The following NALF1 variants were observed in gnomAD, a reference collection of about 807,000 sequenced individuals.
NALF1 encodes the protein family with sequence similarity 155 member A.
Under a neutral mutation model 48.4 loss-of-function variants are expected in NALF1, and 3 were observed. That is an observed-to-expected ratio of 0.06 (90% CI 0.03 to 0.16). NALF1 has a LOEUF of 0.16. NALF1 is among the 10% of genes least tolerant of loss of function. The pLI, the probability that NALF1 is intolerant of heterozygous loss-of-function variation, is 1.00. For synonymous variants in NALF1, 262 were observed against 245.7 expected, an observed-to-expected ratio of 1.07 and a Z score of -0.62; for missense variants, 526 against 571.5, an observed-to-expected ratio of 0.92 and a Z score of 0.81.
At chr13:107,790,019 T>G (rs570902827) in intron 1 of NALF1, among the ~76,000 whole-genome samples, 1 of 152,326 alleles carries the variant, frequency 6.6e-6, no homozygotes, top group African/African-American at 2.4e-5. Context: ...ATAGTGCAGG[T>G]TTACAGTGCT....
chr13:107,617,368 C>G (rs1454305023), intron 1 of NALF1, among the ~76,000 whole-genome samples: 1 of 152,120 alleles, frequency 6.6e-6, no homozygotes, highest in Non-Finnish European at 1.5e-5. Flanking sequence ...TCATTCGTAA[C>G]AGTCAATCTA....
chr13:107,358,622 C>G (rs1021512692), intron 1 of NALF1, among the ~76,000 whole-genome samples: 2 of 152,034 alleles, frequency 1.3e-5, no homozygotes, highest in African/African-American at 4.8e-5. Flanking sequence ...TTCAATAAAA[C>G]ACAGTGTTGG....
At chr13:107,475,725 C>T (rs928178960) in intron 1 of NALF1, among the ~76,000 whole-genome samples, 6 of 152,172 alleles carry the variant, frequency 3.9e-5, no homozygotes, top group Non-Finnish European at 8.8e-5. Context: ...AAGAAATTCT[C>T]AGGGAATTCT....
intron 1 of NALF1, among the ~76,000 whole-genome samples, chr13:107,587,634 A>G (rs2138415161): frequency 6.6e-6 from 1 of 152,276 alleles, no homozygotes; most frequent in African/African-American, 2.4e-5. Flanking sequence ...ATGAGGAAAA[A>G]GGGATTACCA....
chr13:107,177,681 T>C (rs1208179991), intron 2 of NALF1, among the ~76,000 whole-genome samples: 1 of 152,182 alleles, frequency 6.6e-6, no homozygotes, highest in East Asian at 1.9e-4. Context: ...CCAGGAAAAC[T>C]AGATATCCAT....
chr13:107,779,952 A>T (rs931402288), intron 1 of NALF1, among the ~76,000 whole-genome samples: 1 of 151,724 alleles, frequency 6.6e-6, no homozygotes, highest in Non-Finnish European at 1.5e-5. Flanking sequence ...ACAAAATTGC[A>T]TTTTTAAAAG....
chr13:107,508,468 TA>T (rs967482164), intron 1 of NALF1, among the ~76,000 whole-genome samples: 2 of 151,964 alleles, frequency 1.3e-5, no homozygotes, highest in Non-Finnish European at 2.9e-5. Flanking sequence ...AGTTTAATAA[TA>T]AAAAACAAGC....
chr13:107,693,335 G>C lies in NALF1; in HGVS notation c.915+172347C>G, dbSNP rs796892928. Among the ~76,000 whole-genome samples, 3 of 58,232 alleles carry C rather than the reference G, an allele frequency of 5.2e-5. No homozygotes were observed. The South Asian group carries it at 1.8e-3, about 35-fold the overall frequency. 38.2% of individuals were successfully genotyped at this position (58,232 alleles called of 152,430 possible). ...TCAGGGCCTGTCGTAGGGTAGGGGG[G>C]GCGGGAGGGATAGCATTAGGAGATA... On this transcript the variant is annotated intron_variant, in intron 1 of 2. Transcript: ENST00000375915.
chr13:107,219,204 G>C (rs1051989716), intron 1 of NALF1, among the ~76,000 whole-genome samples: 1 of 152,056 alleles, frequency 6.6e-6, no homozygotes, highest in African/African-American at 2.4e-5. Context: ...GAATGGGCCC[G>C]TAGTAAATGA....
chr13:107,274,036 AT>A (rs58258933), intron 1 of NALF1, among the ~76,000 whole-genome samples: 112,319 of 151,212 alleles, frequency 0.74, 42,549 homozygotes, highest in South Asian at 0.88. Context: ...ATCTGTTTTG[AT>A]TTTTTTTTTC....
At chr13:107,325,841 AACACACACAC>A (rs149568387) in intron 1 of NALF1, among the ~76,000 whole-genome samples, 1,113 of 77,338 alleles carry the variant, frequency 0.014, 60 homozygotes, top group East Asian at 0.053. Flanking sequence ...ACTGTGTCTC[AACACACACAC>A]ACACATATAT....
intron 2 of NALF1, among the ~76,000 whole-genome samples, chr13:107,188,025 C>T (rs867211871): frequency 1.7e-4 from 26 of 151,890 alleles, no homozygotes; most frequent in Middle Eastern, 3.4e-3. Context: ...TACAGAGAGA[C>T]GGGAGGTAAA....
At chr13:107,320,386 T>C (rs2138913124) in intron 1 of NALF1, among the ~76,000 whole-genome samples, 1 of 152,286 alleles carries the variant, frequency 6.6e-6, no homozygotes, top group East Asian at 1.9e-4. Flanking sequence ...TCATCTTCTT[T>C]TGACCTATTC....
intron 2 of NALF1, among the ~76,000 whole-genome samples, chr13:107,177,750 T>A (rs575707697): frequency 6.6e-6 from 1 of 152,252 alleles, no homozygotes; most frequent in South Asian, 2.1e-4. Context: ...CAAATCAAAG[T>A]GTTTTAAAGA....
intron 1 of NALF1, among the ~76,000 whole-genome samples, chr13:107,553,237 C>T (rs905243869): frequency 3.3e-5 from 5 of 152,126 alleles, no homozygotes; most frequent in Admixed American, 3.3e-4. Context: ...TGGTTTATAA[C>T]ACGTAACAAA....
In NALF1 at chr13:107,866,977, G is replaced by A. The variant is rs1880757342; in HGVS notation, c.-381C>T. Reference sequence around the variant, plus strand: ...GAGGCTGGGTGCAGGGGGCGATGGTGGAGGTGACAGGGTGGCTGGCGCGGC... The same window carrying A: ...GAGGCTGGGTGCAGGGGGCGATGGTAGAGGTGACAGGGTGGCTGGCGCGGC... On this transcript the variant is annotated 5_prime_UTR_variant, in exon 1 of 3. Coordinates refer to ENST00000375915, the MANE Select transcript of NALF1 (RefSeq NM_001080396.3). This position sits in a 1 kb window ranked among gnomAD's most constrained non-coding sequence, Gnocchi z 4.4. 6.6e-6 allele frequency among the ~76,000 whole-genome samples: 1 copy of A among 151,932 alleles called. No individual in the cohort carries two copies. The highest frequency in any genetic ancestry group is 2.4e-5 in the African/African-American group (1 of 41,382).
At chr13:107,177,785 C>A (rs944895364) in intron 2 of NALF1, among the ~76,000 whole-genome samples, 1 of 152,184 alleles carries the variant, frequency 6.6e-6, no homozygotes, top group African/African-American at 2.4e-5. Context: ...TGCTATGGAT[C>A]ACACTTGTAA....
At chr13:107,821,521 A>C (rs1323180994) in intron 1 of NALF1, among the ~76,000 whole-genome samples, 1 of 152,214 alleles carries the variant, frequency 6.6e-6, no homozygotes, top group Non-Finnish European at 1.5e-5. Flanking sequence ...CCATAACCTT[A>C]GTCTATTACG....
intron 1 of NALF1, among the ~76,000 whole-genome samples, chr13:107,549,906 A>T (rs1200434837): frequency 1.3e-5 from 2 of 152,028 alleles, no homozygotes; most frequent in Admixed American, 1.3e-4. Context: ...TTTCCTGTCA[A>T]CTATTCTGTT....
Sources: gnomAD v4.1 joint callset for allele counts (sites outside exome capture counted in the v4.1 genomes callset) on GRCh38, gnomAD v4.1.1 for gene constraint, Gnocchi (gnomAD v3.1) non-coding constraint, MANE v1.5 for transcripts, NCBI Gene and HGNC (gene_info 2026-07-23, HGNC 2026-07-21) for gene names.